Variants in NPAS3 observed in about 807,000 individuals in gnomAD.
NPAS3 encodes neuronal PAS domain-containing protein 3.
NPAS3 carries 14 observed loss-of-function variants against 73.1 expected under a neutral mutation model. The ratio of observed to expected loss-of-function variants is 0.19; its 90% CI spans 0.13 to 0.30. The LOEUF (loss-of-function observed/expected upper bound fraction) is 0.30. Among genes scored for constraint, NPAS3 ranks in the 10% least tolerant of loss-of-function variants. The pLI, the probability that NPAS3 is intolerant of heterozygous loss-of-function variation, is 1.00. For missense variants in NPAS3, 1,096 were observed against 1,250.0 expected (o/e 0.88, Z 1.86); for synonymous variants, 620 against 541.5 (o/e 1.14, Z -2.01).
At chr14:33,735,360 T>A in intron 7 of NPAS3, 28 bp downstream of exon 7, 1 of 1,474,850 alleles carries the variant, frequency 6.8e-7, no homozygotes, top group East Asian at 2.3e-5. Context: ...GGGGAGACAT[T>A]GCTGTCTCAG....
intron 2 of NPAS3, chr14:33,214,190 T>C (rs1224539925): frequency 6.6e-6 from 1 of 152,220 alleles, no homozygotes; most frequent in Admixed American, 6.5e-5. Context: ...TGTGGTCTGA[T>C]TTTTAAATTT....
At chr14:33,199,955 TAAAAA>T (rs1228643542) in intron 2 of NPAS3, among the ~76,000 whole-genome samples, 3 of 152,122 alleles carry the variant, frequency 2.0e-5, no homozygotes, top group Non-Finnish European at 2.9e-5. Context: ...ATTGCACTAA[TAAAAA>T]CAAAGCCTTG....
intron 4 of NPAS3, among the ~76,000 whole-genome samples, chr14:33,543,835 A>G (rs2054627288): frequency 6.6e-6 from 1 of 151,832 alleles, no homozygotes; most frequent in Non-Finnish European, 1.5e-5. Flanking sequence ...AATCTCTGCC[A>G]TGAAAGAATG....
intron 3 of NPAS3, among the ~76,000 whole-genome samples, chr14:33,239,797 G>A (rs113279985): frequency 0.019 from 2,830 of 151,960 alleles, 36 homozygotes; most frequent in Non-Finnish European, 0.028. Context: ...TCAAAATGGA[G>A]ACCTATTGCC....
At chr14:33,493,285 G>A (rs988520294) in intron 4 of NPAS3, among the ~76,000 whole-genome samples, 51 of 150,372 alleles carry the variant, frequency 3.4e-4, no homozygotes, top group African/African-American at 1.2e-3. Context: ...TGACAATCGG[G>A]GGAAGATATT....
intron 3 of NPAS3, among the ~76,000 whole-genome samples, chr14:33,216,110 A>G (rs1248103135): frequency 6.6e-6 from 1 of 152,080 alleles, no homozygotes; most frequent in Non-Finnish European, 1.5e-5. Context: ...ATATGCATGG[A>G]TATATTTATT....
At chr14:32,964,101 C>G (rs2037045165) in intron 1 of NPAS3, among the ~76,000 whole-genome samples, 1 of 115,784 alleles carries the variant, frequency 8.6e-6, no homozygotes, top group Non-Finnish European at 1.7e-5. Flanking sequence ...ATATCCAAAA[C>G]AATATTATCC....
At position 32,939,344 on chromosome 14, in the gene NPAS3, C is replaced by T. The variant is rs541330184; in HGVS notation, c.28C>T (p.Gln10Ter). 1.4e-6 allele frequency: 1 copy of T among 729,798 alleles called. No individual in the cohort carries two copies. Among genetic ancestry groups the T allele is most frequent in the African/African-American group, 1.8e-5 (1 of 54,178 alleles). The allele number at this position is 729,798 out of a possible 1,614,324, so 45.2% of individuals were successfully genotyped here. A position where few individuals can be genotyped will look rare whatever the true frequency, so the allele number is the denominator to read the frequency against. ...GGCGCCCACCAAGCCCAGCTTTCAG[C>T]AGGATCCTTCCAGGCGAGAACGGTA... The change falls in exon 1 of 12, where the codon CAG becomes TAG. Residue 10 changes from glutamine (Q) to a stop codon, truncating the protein, a stop_gained. Coordinates refer to ENST00000356141, the Ensembl canonical transcript of NPAS3. LOFTEE classifies it high-confidence loss of function.
At chr14:33,639,075 G>T (rs1165600972) in intron 5 of NPAS3, among the ~76,000 whole-genome samples, 1 of 152,138 alleles carries the variant, frequency 6.6e-6, no homozygotes, top group African/African-American at 2.4e-5. Context: ...CAAAGCCTTG[G>T]CGTAGCATGA....
intron 6 of NPAS3, among the ~76,000 whole-genome samples, chr14:33,694,400 A>C (rs1159994000): frequency 6.6e-6 from 1 of 152,160 alleles, no homozygotes; most frequent in African/African-American, 2.4e-5. Flanking sequence ...AAAGCCCCCC[A>C]AAAAGGTTTA....
At chr14:33,788,537 C>T (rs1595617210) in intron 9 of NPAS3, among the ~76,000 whole-genome samples, 1 of 152,338 alleles carries the variant, frequency 6.6e-6, no homozygotes, top group East Asian at 1.9e-4. Flanking sequence ...CCTCTTCAAA[C>T]TGAATTAGAC....
At chr14:33,205,381 T>C (rs1248416163) in intron 2 of NPAS3, among the ~76,000 whole-genome samples, 2 of 152,200 alleles carry the variant, frequency 1.3e-5, no homozygotes, top group African/African-American at 4.8e-5. Flanking sequence ...TTTGTTTACA[T>C]ACTTGGTTAT....
chr14:33,750,791 TA>T (rs1337425054), intron 7 of NPAS3, among the ~76,000 whole-genome samples: 1 of 152,142 alleles, frequency 6.6e-6, no homozygotes, highest in Non-Finnish European at 1.5e-5. Context: ...GAGCAGAGTC[TA>T]GAGTTAGGCA....
At chr14:33,421,009 C>T (rs988898093) in intron 4 of NPAS3, among the ~76,000 whole-genome samples, 5 of 151,896 alleles carry the variant, frequency 3.3e-5, no homozygotes, top group African/African-American at 9.7e-5. Flanking sequence ...CAAGTGCTGT[C>T]GAATAACCAG....
chr14:32,966,707 T>C (rs1412253327), intron 1 of NPAS3, among the ~76,000 whole-genome samples: 1 of 85,130 alleles, frequency 1.2e-5, no homozygotes, highest in African/African-American at 5.5e-5. Context: ...GAAGCGGAGC[T>C]TGCAGTGAGC....
intron 1 of NPAS3, among the ~76,000 whole-genome samples, chr14:32,991,634 C>T (rs1023496423): frequency 6.6e-6 from 1 of 152,098 alleles, no homozygotes; most frequent in Non-Finnish European, 1.5e-5. Context: ...TTTTACTGTC[C>T]GTCTCTTAAT....
chr14:33,031,089 G>T (rs1405991581), intron 1 of NPAS3, among the ~76,000 whole-genome samples: 1 of 152,138 alleles, frequency 6.6e-6, no homozygotes, highest in Non-Finnish European at 1.5e-5. Flanking sequence ...TGCAGGCATT[G>T]ATTTTAAGGA....
intron 4 of NPAS3, among the ~76,000 whole-genome samples, chr14:33,474,524 C>T (rs2050932664): frequency 6.6e-6 from 1 of 151,976 alleles, no homozygotes; most frequent in South Asian, 2.1e-4. Flanking sequence ...AGGAAACTAT[C>T]GCCTTTAATT....
chr14:33,714,120 A>G (rs1295448225), intron 6 of NPAS3, among the ~76,000 whole-genome samples: 3 of 152,058 alleles, frequency 2.0e-5, no homozygotes, highest in Non-Finnish European at 2.9e-5. Flanking sequence ...CATGTACCCT[A>G]AACTTAAAGT....
Sources: gnomAD v4.1 joint callset for allele counts (sites outside exome capture counted in the v4.1 genomes callset) on GRCh38, gnomAD v4.1.1 for gene constraint, MANE v1.5 for transcripts, NCBI Gene and HGNC (gene_info 2026-07-23, HGNC 2026-07-21) for gene names.